NFIB: variants seen among roughly 807,000 people sequenced by gnomAD.
The protein encoded by NFIB is nuclear factor 1 B-type.
Under a neutral mutation model 61.5 loss-of-function variants are expected in NFIB, and 11 were observed. That is an observed-to-expected ratio of 0.18 (90% CI 0.11 to 0.30). NFIB has a LOEUF of 0.30. Ranked by LOEUF, NFIB falls within the 10% of genes least tolerant of loss-of-function variation. The probability of loss-of-function intolerance (pLI) is 1.00; values close to 1 mark genes in which losing one functional copy is unlikely to be tolerated. For synonymous variants in NFIB, 260 were observed against 216.5 expected, an observed-to-expected ratio of 1.20 and a Z score of -1.76; for missense variants, 471 against 608.9, an observed-to-expected ratio of 0.77 and a Z score of 2.38.
Position 14,088,083 on chromosome 9 carries a change from T to A in NFIB, c.*226A>T. The stretch of plus-strand genomic sequence containing the variant: ...CTGCAATTGCTGGTCTATTATCTTC[T>A]TTCTTCAGTTTCTTTCCTTTCTGCC... On this transcript the variant is annotated 3_prime_UTR_variant, in exon 11 of 11. Coordinates refer to ENST00000380953, the MANE Select transcript of NFIB (RefSeq NM_001190737.2). The A allele has an allele frequency of 2.0e-6, 2 of 986,492 alleles. No homozygotes were observed. Among genetic ancestry groups the A allele is most frequent in the Non-Finnish European group, 2.7e-6 (2 of 736,310 alleles). 61.1% of individuals were successfully genotyped at this position (986,492 alleles called of 1,614,324 possible). A position where few individuals can be genotyped will look rare whatever the true frequency, so the allele number is the denominator to read the frequency against.
intron 10 of NFIB, among the ~76,000 whole-genome samples, chr9:14,111,054 T>G (rs2037285446): frequency 6.6e-6 from 1 of 152,118 alleles, no homozygotes; most frequent in Non-Finnish European, 1.5e-5. Context: ...ACAAAACGTA[T>G]TCACATTGTA....
intron 2 of NFIB, chr9:14,204,934 C>A: frequency 5.7e-6 from 2 of 350,120 alleles, no homozygotes; most frequent in Non-Finnish European, 1.1e-5. Context: ...ACGACAGAGC[C>A]AATGAGATCC....
At chr9:14,128,695 C>CAA (rs202216145) in intron 6 of NFIB, among the ~76,000 whole-genome samples, 5,241 of 79,442 alleles carry the variant, frequency 0.066, 384 homozygotes, top group African/African-American at 0.18. Context: ...AACTCTGTCT[C>CAA]AAAAAAAAAA....
chr9:14,100,686 C>T (rs140921515), intron 10 of NFIB, among the ~76,000 whole-genome samples: 10,267 of 152,296 alleles, frequency 0.067, 665 homozygotes, highest in South Asian at 0.26. Flanking sequence ...TGCACTCCAG[C>T]CTGGTTGACA....
At chr9:14,149,970 C>T (rs767328691) in intron 5 of NFIB, among the ~76,000 whole-genome samples, 175 bp downstream of exon 5, 1 of 152,174 alleles carries the variant, frequency 6.6e-6, no homozygotes, top group Non-Finnish European at 1.5e-5. Context: ...ACAACAATTA[C>T]ATTTAATTTG....
At chr9:14,418,810 C>T in the NFIB span, among the ~76,000 whole-genome samples, 1 of 152,126 alleles carries the variant, frequency 6.6e-6, no homozygotes, top group Non-Finnish European at 1.5e-5. Context: ...TTTAGGCTTG[C>T]ACAATTATTT....
intron 2 of NFIB, among the ~76,000 whole-genome samples, chr9:14,189,830 T>TA (rs2047751634): frequency 6.6e-6 from 1 of 151,290 alleles, no homozygotes; most frequent in South Asian, 2.1e-4. Context: ...AACAAGATGA[T>TA]GACTGGTAGC....
chr9:14,447,862 T>C, the NFIB span, among the ~76,000 whole-genome samples: 1 of 152,276 alleles, frequency 6.6e-6, no homozygotes, highest in South Asian at 2.1e-4. Context: ...CTTTTCTTTT[T>C]TCAGAGTTCA....
At position 14,103,347 on chromosome 9, in the gene NFIB, G is replaced by C. The variant is rs373261798; in HGVS notation, c.1467+9652C>G. Among the ~76,000 whole-genome samples, 508 of 149,114 alleles carry C rather than the reference G, an allele frequency of 3.4e-3. 3 individuals are homozygous for C. The highest frequency in any genetic ancestry group is 0.015 in the South Asian group (66 of 4,432). ...GAAAGTAAACTTATCTGGGTTGGGG[G>C]GGGGGAAACACAGTAGAAAATCATC... On this transcript the variant is annotated intron_variant, in intron 10 of 10. Transcript: ENST00000380953.
intron 1 of NFIB, among the ~76,000 whole-genome samples, chr9:14,337,187 C>T (rs2060895463): frequency 6.6e-6 from 1 of 152,136 alleles, no homozygotes; most frequent in Admixed American, 6.5e-5. Context: ...CAGAAGGTAA[C>T]ATATACAAGA....
the NFIB span, among the ~76,000 whole-genome samples, chr9:14,531,717 A>T: frequency 6.6e-6 from 1 of 150,540 alleles, no homozygotes; most frequent in East Asian, 1.9e-4. Context: ...ACAAAAACTC[A>T]TGCTGCCTTT....
intron 2 of NFIB, among the ~76,000 whole-genome samples, chr9:14,243,804 T>C (rs1387123996): frequency 2.0e-5 from 3 of 152,150 alleles, no homozygotes; most frequent in Non-Finnish European, 2.9e-5. Context: ...CATGACATCA[T>C]GTGGGAGTAA....
At chr9:14,289,441 G>A (rs2058946499) in intron 2 of NFIB, among the ~76,000 whole-genome samples, 2 of 151,360 alleles carry the variant, frequency 1.3e-5, no homozygotes, top group Admixed American at 1.3e-4. Context: ...CAGTATAGAC[G>A]AACTAAGAAT....
chr9:14,103,248 T>C (rs1474005557), intron 10 of NFIB, among the ~76,000 whole-genome samples: 4 of 151,888 alleles, frequency 2.6e-5, no homozygotes, highest in Admixed American at 2.0e-4. Context: ...CCTATCCAGC[T>C]CTGCTTGGTT....
chr9:14,176,277 AAAG>A (rs1174342972), intron 3 of NFIB, among the ~76,000 whole-genome samples: 9 of 140,330 alleles, frequency 6.4e-5, no homozygotes, highest in Admixed American at 1.4e-4. Context: ...AAAAAAAAAC[AAAG>A]AAGAAGAAGT....
chr9:14,349,395 G>A (rs1206442576), intron 1 of NFIB, among the ~76,000 whole-genome samples: 1 of 152,150 alleles, frequency 6.6e-6, no homozygotes, highest in African/African-American at 2.4e-5. Flanking sequence ...TAGGGGGTGT[G>A]GAAGCGTAGA....
At chr9:14,410,053 T>C in the NFIB span, among the ~76,000 whole-genome samples, 1 of 152,128 alleles carries the variant, frequency 6.6e-6, no homozygotes, top group African/African-American at 2.4e-5. Context: ...TCTAGGGATA[T>C]AGGGGGTGAG....
intron 1 of NFIB, among the ~76,000 whole-genome samples, chr9:14,397,186 A>T (rs1056376247): frequency 3.3e-5 from 5 of 152,208 alleles, no homozygotes; most frequent in African/African-American, 1.2e-4. Context: ...AAATGAGAAA[A>T]AGCAAAACTG....
intron 2 of NFIB, among the ~76,000 whole-genome samples, chr9:14,182,529 G>C (rs2046890243): frequency 6.6e-6 from 1 of 152,128 alleles, no homozygotes; most frequent in Non-Finnish European, 1.5e-5. Flanking sequence ...GTGGTTGGCA[G>C]AGAAACCAAA....
Sources: allele counts gnomAD v4.1 joint callset (sites outside exome capture counted in the v4.1 genomes callset), GRCh38; gene constraint gnomAD v4.1.1; transcripts MANE v1.5; gene names NCBI Gene and HGNC (gene_info 2026-07-23, HGNC 2026-07-21).